ADGRL1: variants seen among roughly 807,000 people sequenced by gnomAD.
The protein encoded by ADGRL1 is CIRL-1.
ADGRL1 carries 31 observed loss-of-function variants against 148.9 expected under a neutral mutation model. The observed-to-expected ratio is 0.21, with a 90% CI of 0.16 to 0.28. The LOEUF is 0.28. Among genes scored for constraint, ADGRL1 ranks in the 10% least tolerant of loss-of-function variants. The pLI is 1.00. For missense variants in ADGRL1, 1,521 were observed against 2,058.8 expected (o/e 0.74, Z 5.05); for synonymous variants, 937 against 900.3 (o/e 1.04, Z -0.73).
chr19:14,158,708 C>G (rs1969027025), intron 11 of ADGRL1, among the ~76,000 whole-genome samples, 156 bp from the exon 12 acceptor site: 1 of 152,232 alleles, frequency 6.6e-6, no homozygotes, highest in Non-Finnish European at 1.5e-5. Flanking sequence ...AGGTGGGGGT[C>G]AGGGAGCCCT....
At chr19:14,193,170 C>G (rs563044870) in intron 1 of ADGRL1, among the ~76,000 whole-genome samples, 47 of 151,342 alleles carry the variant, frequency 3.1e-4, no homozygotes, top group African/African-American at 1.1e-3. Flanking sequence ...GAACCAGCCT[C>G]AGCTTGGCAG....
rs1271713595 is a variant in ADGRL1, at chr19:14,161,551, G to A, written c.1271C>T (p.Ala424Val). 1 of 1,454,738 alleles carries A rather than the reference G, an allele frequency of 6.9e-7. No homozygotes were observed. Among genetic ancestry groups the A allele is most frequent in the African/African-American group, 1.5e-5 (1 of 68,376 alleles). The allele number at this position is 1,454,738 out of a possible 1,614,324, so 90.1% of individuals were successfully genotyped here. ...TGCCCGGCGGAGCGGGGTGGTGGCTGCGGGCGAGGCTGTGCTGGTGAGGGG... is the reference window on the plus strand; with the variant it reads ...TGCCCGGCGGAGCGGGGTGGTGGCTACGGGCGAGGCTGTGCTGGTGAGGGG... ...PTPLTSTASP[A>V]ATTPLRRAPL... Residue 424 changes from alanine to valine, a missense_variant, in exon 6 of 23, where the codon GCA becomes GTA. Physicochemically the swap from Ala to Val is moderately conservative, Grantham distance 64 (BLOSUM62 0). Coordinates refer to ENST00000361434, the MANE Select transcript of ADGRL1 (RefSeq NM_014921.5). This position sits in a 1 kb window ranked among gnomAD's most constrained non-coding sequence, Gnocchi z 4.4.
At position 14,162,058 on chromosome 19, in the gene ADGRL1, T is replaced by C. The variant is rs1038732013; in HGVS notation, c.1196-432A>G. 3.3e-5 allele frequency among the ~76,000 whole-genome samples: 5 copies of C among 152,158 alleles called. No individual in the cohort carries two copies. Among genetic ancestry groups the C allele is most frequent in the Non-Finnish European group, 7.4e-5 (5 of 68,020 alleles). On this transcript the variant is annotated intron_variant, in intron 5 of 22. Transcript: ENST00000361434. This position sits in a 1 kb window ranked among gnomAD's most constrained non-coding sequence, Gnocchi z 5.4. Reference sequence around the variant, plus strand: ...GGCTTATGTAACCTGGCTATGCTCCTTCCTTCTGGGGGCCTCAACTCCCCC... The same window carrying C: ...GGCTTATGTAACCTGGCTATGCTCCCTCCTTCTGGGGGCCTCAACTCCCCC...
At chr19:14,191,186 G>A (rs556436980) in intron 1 of ADGRL1, 138 of 456,544 alleles carry the variant, frequency 3.0e-4, no homozygotes, top group Non-Finnish European at 5.2e-4. Flanking sequence ...CCAGCCATGC[G>A]GGTTCCCACC....
chr19:14,150,984 C>A lies in ADGRL1; in HGVS notation c.4299G>T (p.Gln1433His). 6.3e-7 allele frequency: 1 copy of A among 1,591,490 alleles called. No homozygotes were observed. The highest frequency in any genetic ancestry group is 1.4e-5 in the African/African-American group (1 of 73,898). The change falls in exon 23 of 23, where the codon CAG (glutamine) becomes CAT (histidine). Residue 1433 changes from glutamine to histidine, a missense_variant. Transcript: ENST00000361434. ...TAGGACGCCGCACCTGGTAGTAGCCCTGCAGGGGATTCCGGGCCACCAGGG... is the reference window on the plus strand; with the variant it reads ...TAGGACGCCGCACCTGGTAGTAGCCATGCAGGGGATTCCGGGCCACCAGGG... ...PPALVARNPL[Q>H]GYYQVRRPSH... is the part of the protein sequence containing the mutation.
At chr19:14,172,750 T>C (rs1194880441) in intron 3 of ADGRL1, among the ~76,000 whole-genome samples, 1 of 152,112 alleles carries the variant, frequency 6.6e-6, no homozygotes, top group African/African-American at 2.4e-5. Context: ...TGTGCTGTTG[T>C]GAGTAGCCTG....
chr19:14,174,410 T>G (rs1015856665), intron 3 of ADGRL1, among the ~76,000 whole-genome samples: 2 of 151,894 alleles, frequency 1.3e-5, no homozygotes, highest in East Asian at 3.9e-4. Flanking sequence ...GAGGAGGAGA[T>G]GATGAGGTGC....
At chr19:14,197,931 G>A (rs1367784056) in intron 1 of ADGRL1, among the ~76,000 whole-genome samples, 1 of 152,192 alleles carries the variant, frequency 6.6e-6, no homozygotes, top group African/African-American at 2.4e-5. Context: ...ATGGAGGAAG[G>A]TGTGCTTGAC....
chr19:14,192,279 C>T (rs1325029779), intron 1 of ADGRL1, among the ~76,000 whole-genome samples: 3 of 151,802 alleles, frequency 2.0e-5, no homozygotes, highest in Non-Finnish European at 4.4e-5. Context: ...TTCACTCTGT[C>T]GCTCAGGCTG....
chr19:14,158,074 G>T, intron 12 of ADGRL1, 22 bp from the exon 13 acceptor site: 2 of 1,612,886 alleles, frequency 1.2e-6, no homozygotes, highest in Non-Finnish European at 1.7e-6. Flanking sequence ...TGGCACCAGG[G>T]TGTCATAACT....
intron 2 of ADGRL1, 82 bp from the exon 3 acceptor site, chr19:14,177,826 C>A (rs1970929721): frequency 2.3e-6 from 3 of 1,293,540 alleles, no homozygotes; most frequent in Admixed American, 4.2e-5. Flanking sequence ...GAAAACACCA[C>A]CTCTGGCTCG....
intron 1 of ADGRL1, among the ~76,000 whole-genome samples, chr19:14,187,805 C>T (rs972522051): frequency 2.0e-5 from 3 of 152,070 alleles, no homozygotes; most frequent in Non-Finnish European, 4.4e-5. Context: ...CATTTCTCCC[C>T]CAACTGCCCA....
chr19:14,205,239 T>G (rs528669760), intron 1 of ADGRL1, among the ~76,000 whole-genome samples: 1 of 151,888 alleles, frequency 6.6e-6, no homozygotes, highest in Admixed American at 6.6e-5. Flanking sequence ...CTCAATCCAA[T>G]GCGCACCTGG....
intron 22 of ADGRL1, 61 bp from the exon 23 acceptor site, chr19:14,151,676 T>C (rs886980238): frequency 5.4e-6 from 8 of 1,475,088 alleles, no homozygotes; most frequent in Middle Eastern, 1.9e-4. Context: ...TAGGGGACAG[T>C]GAGGGGGTGC....
intron 3 of ADGRL1, among the ~76,000 whole-genome samples, chr19:14,174,326 G>T (rs1240670413): frequency 6.6e-6 from 1 of 152,154 alleles, no homozygotes; most frequent in Non-Finnish European, 1.5e-5. Context: ...CCTCGGCAGG[G>T]GTGTCAGGGG....
intron 3 of ADGRL1, 26 bp from the exon 4 acceptor site, chr19:14,170,817 G>C: frequency 3.4e-6 from 3 of 875,848 alleles, no homozygotes; most frequent in African/African-American, 1.7e-5. Context: ...AGGGCATTGG[G>C]AAAGAAACAC....
In ADGRL1 at chr19:14,160,241, C is replaced by T. The variant is rs771478199; in HGVS notation, c.1671G>A (p.Arg557=). The change falls in exon 8 of 23, where the codon CGG becomes CGA. Residue 557 remains arginine, a synonymous_variant. Transcript: ENST00000361434. The surrounding 1 kb of genome is among the most constrained non-coding windows in gnomAD (Gnocchi z 5.9). ...AGACGTCCCCCGCGTAGATGGAGCC[C>T]CGGGTGTGTCGGGCCAGCTCGCTGG... The part of the protein sequence containing the change: ...NIASELARHT[R]GSIYAGDVSS... 1 of 1,597,524 alleles carries T rather than the reference C, an allele frequency of 6.3e-7. No homozygotes were observed. Among genetic ancestry groups the T allele is most frequent in the East Asian group, 2.3e-5 (1 of 44,332 alleles).
rs749275696 is a variant in ADGRL1 at position 14,151,624 on chromosome 19, C to G, written c.3668-9G>C. The G allele has an allele frequency of 1.3e-6, 2 of 1,582,866 alleles. No individual in the cohort carries two copies. Among genetic ancestry groups the G allele is most frequent in the Non-Finnish European group, 1.7e-6 (2 of 1,171,710 alleles). On this transcript the variant is annotated splice_polypyrimidine_tract_variant and intron_variant, in intron 22 of 22. Coordinates refer to ENST00000361434, the MANE Select transcript of ADGRL1 (RefSeq NM_014921.5). ...GCCTCCCAAGGGGTGCTCTGCAGGG[C>G]AGAAAGGGGCTGGTCAGGTTGAAGA...
chr19:14,160,712 G>C lies in ADGRL1; in HGVS notation c.1511-16C>G. 6.8e-7 allele frequency: 1 copy of C among 1,461,828 alleles called. No individual in the cohort carries two copies. Among genetic ancestry groups the C allele is most frequent in the Non-Finnish European group, 9.6e-7 (1 of 1,043,920 alleles). 90.6% of individuals were successfully genotyped at this position (1,461,828 alleles called of 1,614,324 possible). A position where few individuals can be genotyped will look rare whatever the true frequency, so the allele number is the denominator to read the frequency against. ...GAGGCAATTCCTGCAGGGACAGACAGACAGGAACAGACAAGGGAGCCAAAG... is the reference window on the plus strand; with the variant it reads ...GAGGCAATTCCTGCAGGGACAGACACACAGGAACAGACAAGGGAGCCAAAG... On this transcript the variant is annotated splice_polypyrimidine_tract_variant and intron_variant, in intron 6 of 22. Coordinates refer to ENST00000361434, the MANE Select transcript of ADGRL1 (RefSeq NM_014921.5). The surrounding 1 kb of genome is among the most constrained non-coding windows in gnomAD (Gnocchi z 5.9).
Sources: allele counts gnomAD v4.1 joint callset (sites outside exome capture counted in the v4.1 genomes callset), GRCh38; gene constraint gnomAD v4.1.1; non-coding constraint Gnocchi (gnomAD v3.1); transcripts MANE v1.5; gene names NCBI Gene and HGNC (gene_info 2026-07-23, HGNC 2026-07-21).